Variants in MTCL1 observed in about 807,000 individuals in gnomAD.
MTCL1 encodes the protein microtubule crosslinking factor 1.
MTCL1 carries 79 observed loss-of-function variants against 141.4 expected under a neutral mutation model. The ratio of observed to expected loss-of-function variants is 0.56; its 90% CI spans 0.47 to 0.67. The LOEUF (loss-of-function observed/expected upper bound fraction) is 0.67. MTCL1 is among the 30% of genes least tolerant of loss of function. MTCL1 has a pLI of 0.00. For synonymous variants in MTCL1, 914 were observed against 875.8 expected, an observed-to-expected ratio of 1.04 and a Z score of -0.77; for missense variants, 2,177 against 2,113.9, an observed-to-expected ratio of 1.03 and a Z score of -0.59.
intron 12 of MTCL1, among the ~76,000 whole-genome samples, chr18:8,814,244 G>T (rs590190): frequency 6.6e-6 from 1 of 152,170 alleles, no homozygotes; most frequent in Non-Finnish European, 1.5e-5. Flanking sequence ...AGACCAAGAG[G>T]CTTTGGCTTG....
intron 4 of MTCL1, 121 bp from the exon 4 acceptor site, chr18:8,777,712 A>T: frequency 1.3e-6 from 1 of 785,656 alleles, no homozygotes; most frequent in South Asian, 1.9e-5. Context: ...TTGTTTCTTG[A>T]TTCTGGTGGG....
intron 2 of MTCL1, chr18:8,717,974 T>G (rs2096140804): frequency 9.9e-7 from 1 of 1,009,032 alleles, no homozygotes; most frequent in African/African-American, 1.7e-5. Context: ...TATGTTTTAG[T>G]TCCAGGGCAA....
upstream of MTCL1, among the ~76,000 whole-genome samples, chr18:8,716,167 T>C (rs74972558): frequency 1.3e-3 from 196 of 152,358 alleles, 3 homozygotes; most frequent in African/African-American, 4.5e-3. Context: ...TCATCATTGG[T>C]ATAGAAATTC....
At chr18:8,710,987 C>G (rs1165010372) in intron 1 of MTCL1, among the ~76,000 whole-genome samples, 1 of 151,270 alleles carries the variant, frequency 6.6e-6, no homozygotes, top group Non-Finnish European at 1.5e-5. Context: ...GTGCTGCACC[C>G]ACTAACTCGT....
intron 4 of MTCL1, among the ~76,000 whole-genome samples, chr18:8,749,209 G>A (rs1281906622): frequency 6.6e-6 from 1 of 152,362 alleles, no homozygotes; most frequent in East Asian, 1.9e-4. Flanking sequence ...AGAGCAATTG[G>A]AGAATGACAG....
intron 7 of MTCL1, among the ~76,000 whole-genome samples, chr18:8,790,299 A>G (rs1053979684): frequency 6.6e-6 from 1 of 152,278 alleles, no homozygotes; most frequent in African/African-American, 2.4e-5. Context: ...AGTTCATGCA[A>G]TGTATAGAAA....
At chr18:8,731,199 T>A (rs928086764) in intron 4 of MTCL1, among the ~76,000 whole-genome samples, 1 of 151,512 alleles carries the variant, frequency 6.6e-6, no homozygotes, top group African/African-American at 2.4e-5. Context: ...GAGCCAAGAT[T>A]GTGCCACTGC....
chr18:8,753,746 A>G (rs2096383406), intron 4 of MTCL1, among the ~76,000 whole-genome samples: 2 of 152,174 alleles, frequency 1.3e-5, no homozygotes. Context: ...CTCACTGCAA[A>G]CACGGTCCTG....
exon 13 of MTCL1, chr18:8,819,052 C>T (rs748502306): frequency 3.1e-6 from 5 of 1,614,162 alleles, no homozygotes; most frequent in South Asian, 1.1e-5. Flanking sequence ...ACCAGGGAAG[C>T]CTCCGCATGC....
In MTCL1 at chr18:8,786,331, T is replaced by G. The variant is rs570793195; in HGVS notation, c.1887+240T>G. On this transcript the variant is annotated intron_variant, in intron 7 of 16. Coordinates refer to ENST00000359865, the Ensembl canonical transcript of MTCL1. Reference sequence around the variant, plus strand: ...CAGAGGGACAGCTCACTGTAGGCACTGTCCACCTCCTGTTTCCGCAGACCG... The same window carrying G: ...CAGAGGGACAGCTCACTGTAGGCACGGTCCACCTCCTGTTTCCGCAGACCG... 242 of 688,230 alleles carry G rather than the reference T, an allele frequency of 3.5e-4. No homozygotes were observed. The African/African-American group carries it at 3.8e-3, about 11-fold the overall frequency. The allele number at this position is 688,230 out of a possible 1,614,324, so 42.6% of individuals were successfully genotyped here.
chr18:8,755,518 C>T (rs2096392832), intron 4 of MTCL1, among the ~76,000 whole-genome samples: 1 of 152,174 alleles, frequency 6.6e-6, no homozygotes, highest in African/African-American at 2.4e-5. Context: ...GGACATCTCA[C>T]ACGCTTCTCC....
At position 8,775,343 on chromosome 18, in the gene MTCL1, G is replaced by A. The variant is rs558349579; in HGVS notation, c.358-2490G>A. On this transcript the variant is annotated intron_variant, in intron 4 of 16. Coordinates refer to ENST00000359865, the Ensembl canonical transcript of MTCL1. ...CCCAGCACTTTAGGAGGCTGAGGCA[G>A]GTGGATCACCTGAGGTCAGGAGTTC... is the stretch of plus-strand genomic sequence containing the variant. Among the ~76,000 whole-genome samples the A allele has an allele frequency of 1.8e-4, 28 of 151,754 alleles. No individual in the cohort carries two copies. The South Asian group carries it at 5.2e-3, about 28-fold the overall frequency.
intron 10 of MTCL1, among the ~76,000 whole-genome samples, chr18:8,802,738 G>A (rs894389128): frequency 6.6e-6 from 1 of 152,190 alleles, no homozygotes; most frequent in Non-Finnish European, 1.5e-5. Context: ...ATGCCCTTAG[G>A]TGGAGGAGAG....
chr18:8,753,813 G>A (rs2096383846), intron 4 of MTCL1, among the ~76,000 whole-genome samples: 1 of 152,164 alleles, frequency 6.6e-6, no homozygotes, highest in Non-Finnish European at 1.5e-5. Flanking sequence ...CACCCAGCAA[G>A]CTGTGTAGGA....
intron 9 of MTCL1, among the ~76,000 whole-genome samples, chr18:8,797,167 G>A (rs1214871793): frequency 6.6e-6 from 1 of 152,158 alleles, no homozygotes; most frequent in Non-Finnish European, 1.5e-5. Context: ...GAGGTCCTGC[G>A]CCATCTCATT....
upstream of MTCL1, among the ~76,000 whole-genome samples, chr18:8,714,755 G>A (rs537721064): frequency 6.6e-6 from 1 of 151,976 alleles, no homozygotes; most frequent in Non-Finnish European, 1.5e-5. Context: ...GATTTGAGTG[G>A]GGACACAGCC....
chr18:8,727,508 T>A (rs2096223689), intron 4 of MTCL1, among the ~76,000 whole-genome samples: 1 of 152,238 alleles, frequency 6.6e-6, no homozygotes, highest in Non-Finnish European at 1.5e-5. Context: ...TGATGATATC[T>A]CATTGTGGTT....
In MTCL1 at chr18:8,718,600, G is replaced by A. The variant is rs374495993; in HGVS notation, c.150G>A (p.Thr50=). ...AGAAAAGCCTGAAAGTGGCTGAGAC[G>A]GGTCAGGTGGATGGTGAGCTTATTC... Residue 50 remains threonine, a synonymous_variant, in exon 3 of 17, where the codon ACG becomes ACA. Coordinates refer to ENST00000359865, the Ensembl canonical transcript of MTCL1. 3.6e-5 allele frequency: 58 copies of A among 1,613,754 alleles called. No individual in the cohort carries two copies. The Admixed American group carries it at 6.0e-4, about 17-fold the overall frequency.
chr18:8,735,730 G>C (rs558404098), intron 4 of MTCL1, among the ~76,000 whole-genome samples: 2 of 152,048 alleles, frequency 1.3e-5, no homozygotes, highest in Non-Finnish European at 2.9e-5. Context: ...TGAGAGCCAC[G>C]GGCTGAGTGT....
Sources: allele counts gnomAD v4.1 joint callset (sites outside exome capture counted in the v4.1 genomes callset), GRCh38; gene constraint gnomAD v4.1.1; transcripts MANE v1.5; gene names NCBI Gene and HGNC (gene_info 2026-07-23, HGNC 2026-07-21).